ZFC3H1: variants seen among roughly 807,000 people sequenced by gnomAD.
ZFC3H1 encodes the protein zinc finger C3H1-type containing.
In ZFC3H1, 71 loss-of-function variants were observed where a neutral mutation model predicts 243.7. That is an observed-to-expected ratio of 0.29 (90% CI 0.24 to 0.36). The LOEUF (loss-of-function observed/expected upper bound fraction) is 0.36. ZFC3H1 is among the 10% of genes least tolerant of loss of function. ZFC3H1 has a pLI of 1.00. For synonymous variants in ZFC3H1, 838 were observed against 813.0 expected (o/e 1.03, Z -0.52); for missense variants, 1,966 against 2,317.1 (o/e 0.85, Z 3.11).
At chr12:71,634,351 T>TA in intron 11 of ZFC3H1, 47 bp from the exon 12 acceptor site, 3 of 1,568,478 alleles carry the variant, frequency 1.9e-6, no homozygotes, top group Non-Finnish European at 2.6e-6. Context: ...AGAATAAACT[T>TA]AAACTATTTT....
At chr12:71,653,182 G>T (rs190538571) in intron 2 of ZFC3H1, among the ~76,000 whole-genome samples, 8 of 152,120 alleles carry the variant, frequency 5.3e-5, no homozygotes, top group Non-Finnish European at 1.0e-4. Context: ...GAAGAAAAGT[G>T]GAAAGAATGA....
In ZFC3H1 at chr12:71,644,137, T is replaced by A; in HGVS notation, c.1461A>T (p.Arg487=). 1 of 1,613,880 alleles carries A rather than the reference T, an allele frequency of 6.2e-7. No homozygotes were observed. Among genetic ancestry groups the A allele is most frequent in the Non-Finnish European group, 8.5e-7 (1 of 1,179,940 alleles). Residue 487 remains arginine, a synonymous_variant, in exon 5 of 35, where the codon CGA becomes CGT. Coordinates refer to ENST00000378743, the MANE Select transcript of ZFC3H1 (RefSeq NM_144982.5). The part of the protein sequence containing the change: ...DLSNQEEQYN[R]FMKLVGGKRR... ...TCTTGCCACCAACCAATTTCATGAA[T>A]CGATTGTACTGTTCTTCCTGATTTG... is the stretch of plus-strand genomic sequence containing the variant.
chr12:71,644,361 TAAAAG>T (rs1880675669), intron 4 of ZFC3H1, 43 bp from the exon 5 acceptor site: 1 of 1,566,310 alleles, frequency 6.4e-7, no homozygotes, highest in Non-Finnish European at 8.6e-7. Flanking sequence ...TGTTAGGAGA[TAAAAG>T]AAAAATAAGA....
At chr12:71,633,801 A>G (rs1243475636) in intron 12 of ZFC3H1, among the ~76,000 whole-genome samples, 2 of 152,140 alleles carry the variant, frequency 1.3e-5, no homozygotes, top group South Asian at 2.1e-4. Flanking sequence ...ATTACAAGGC[A>G]TGCACCACCA....
At chr12:71,628,861 T>C (rs543800745) in intron 20 of ZFC3H1, 57 bp downstream of exon 20, 8 of 1,508,798 alleles carry the variant, frequency 5.3e-6, no homozygotes, top group Non-Finnish European at 6.2e-6. Context: ...AAGTGTTAAA[T>C]AAAGATGGAA....
Position 71,633,260 on chromosome 12 carries a change from T to G in ZFC3H1, c.2685+4A>C. On this transcript the variant is annotated splice_donor_region_variant and intron_variant, in intron 13 of 34. Transcript: ENST00000378743. ...AGGAGACTACAGTATTTTAAAATAA[T>G]TACTTGTTCCTGAAGCTTCTTCAAA... 3 of 1,568,896 alleles carry G rather than the reference T, an allele frequency of 1.9e-6. No homozygotes were observed. Among genetic ancestry groups the G allele is most frequent in the Non-Finnish European group, 2.6e-6 (3 of 1,163,926 alleles).
intron 2 of ZFC3H1, among the ~76,000 whole-genome samples, chr12:71,652,963 A>C (rs1470912824): frequency 9.9e-5 from 15 of 151,178 alleles, no homozygotes; most frequent in Non-Finnish European, 1.9e-4. Flanking sequence ...AAAAAAAACA[A>C]CGACCATCTC....
intron 2 of ZFC3H1, among the ~76,000 whole-genome samples, chr12:71,649,987 G>C (rs1880839144): frequency 6.6e-6 from 1 of 152,198 alleles, no homozygotes; most frequent in Non-Finnish European, 1.5e-5. Flanking sequence ...AGGAGATCGA[G>C]ACCATCCTGG....
chr12:71,632,334 C>A lies in ZFC3H1; in HGVS notation c.2998G>T (p.Val1000Phe). Residue 1000 changes from valine to phenylalanine, a missense_variant, in exon 15 of 35, where the codon GTT becomes TTT. Val to Phe is a conservative substitution (Grantham distance 50). Around this residue, in one of 4 missense-constraint regions of ZFC3H1, gnomAD observed 1,383 missense variants for 1,723.7 expected, o/e 0.80. Transcript: ENST00000378743. Reference sequence around the variant, plus strand: ...GAAAATTCGGGTTCCTCTTCCACAACTGGAGAGATATTTTGTTGTTCCTTT... The same window carrying A: ...GAAAATTCGGGTTCCTCTTCCACAAATGGAGAGATATTTTGTTGTTCCTTT... Reference protein sequence around the residue: ...KAKEQQNISPVVEEEPEFSLP... With the variant: ...KAKEQQNISPFVEEEPEFSLP... The A allele has an allele frequency of 2.5e-6, 4 of 1,613,820 alleles. No individual in the cohort carries two copies. Among genetic ancestry groups the A allele is most frequent in the Non-Finnish European group, 2.5e-6 (3 of 1,179,862 alleles).
chr12:71,620,537 T>A (rs568166561), intron 24 of ZFC3H1, among the ~76,000 whole-genome samples: 1 of 152,282 alleles, frequency 6.6e-6, no homozygotes, highest in East Asian at 1.9e-4. Context: ...TCAACTTTCC[T>A]GGTAAGAATA....
At chr12:71,628,801 A>T (rs976040996) in intron 20 of ZFC3H1, 117 bp downstream of exon 20, 23 of 1,167,920 alleles carry the variant, frequency 2.0e-5, no homozygotes, top group South Asian at 5.9e-5. Flanking sequence ...CATCGTTTTT[A>T]AAAAAAATTT....
intron 32 of ZFC3H1, 181 bp from the exon 33 acceptor site, chr12:71,611,278 C>G: frequency 5.0e-6 from 2 of 402,906 alleles, no homozygotes; most frequent in Non-Finnish European, 7.7e-6. Flanking sequence ...AAGAAAAATT[C>G]AACAATTTTT....
intron 4 of ZFC3H1, among the ~76,000 whole-genome samples, chr12:71,644,635 C>T (rs925227339): frequency 6.6e-6 from 1 of 151,952 alleles, no homozygotes; most frequent in African/African-American, 2.4e-5. Context: ...AGCCCAACAC[C>T]GCCAAACCCC....
chr12:71,627,621 G>T, intron 21 of ZFC3H1, 130 bp downstream of exon 21: 1 of 822,548 alleles, frequency 1.2e-6, no homozygotes, highest in Non-Finnish European at 1.9e-6. Flanking sequence ...AAATGCTTTT[G>T]GCTTTGTCAA....
At chr12:71,612,358 C>T (rs1249379190) in intron 31 of ZFC3H1, among the ~76,000 whole-genome samples, 1 of 152,008 alleles carries the variant, frequency 6.6e-6, no homozygotes, top group Non-Finnish European at 1.5e-5. Context: ...TATCAAAACA[C>T]AGATGTAGGG....
chr12:71,629,609 T>C lies in ZFC3H1; in HGVS notation c.3826A>G (p.Thr1276Ala). 6.5e-7 allele frequency: 1 copy of C among 1,545,620 alleles called. No homozygotes were observed. The highest frequency in any genetic ancestry group is 1.1e-5 in the South Asian group (1 of 89,590). Residue 1276 changes from threonine (T) to alanine (A), a missense_variant and splice_region_variant, in exon 19 of 35, where the codon ACT becomes GCT. Around this residue, in one of 4 missense-constraint regions of ZFC3H1, gnomAD observed 1,383 missense variants for 1,723.7 expected, o/e 0.80. Transcript: ENST00000378743. ...VSNINESKGH[T>A]PPFTTYKDKR... ...CACACACACTTATATATGTACTTAC[T>C]ATGACCTTTACTTTCATTGATATTG...
In ZFC3H1 at chr12:71,634,810, T is replaced by C. The variant is rs760513039; in HGVS notation, c.2254A>G (p.Lys752Glu). 5.7e-6 allele frequency: 9 copies of C among 1,588,316 alleles called. No homozygotes were observed. Among genetic ancestry groups the C allele is most frequent in the Admixed American group, 3.7e-5 (2 of 53,770 alleles). ...TCTTTTTCAGATTTTGGAGGTACTTTCGGTTTTGAAGCTTGCTAAAAAAAA... is the reference window on the plus strand; with the variant it reads ...TCTTTTTCAGATTTTGGAGGTACTTCCGGTTTTGAAGCTTGCTAAAAAAAA... ...RRTAEQASKP[K>E]VPPKSEKEND... The change falls in exon 11 of 35, where the codon AAA becomes GAA. Residue 752 changes from lysine to glutamate, a missense_variant. Lys to Glu is a moderately conservative substitution (Grantham distance 56). Around this residue, in one of 4 missense-constraint regions of ZFC3H1, gnomAD observed 1,383 missense variants for 1,723.7 expected, o/e 0.80. Transcript: ENST00000378743.
At chr12:71,634,466 G>A (rs1184686312) in intron 11 of ZFC3H1, among the ~76,000 whole-genome samples, 162 bp from the exon 12 acceptor site, 1 of 152,166 alleles carries the variant, frequency 6.6e-6, no homozygotes, top group Non-Finnish European at 1.5e-5. Context: ...AGTTGATAGT[G>A]GAGTCCTTCT....
rs140041629 is a variant in ZFC3H1, at chr12:71,641,206, C to T, written c.1627+1230G>A. On this transcript the variant is annotated intron_variant, in intron 6 of 34. Transcript: ENST00000378743. ...ATACTTGGGAATTATAATGAATCATCTCCAAGAATCTGAAAATAAGAAAAT... is the reference window on the plus strand; with the variant it reads ...ATACTTGGGAATTATAATGAATCATTTCCAAGAATCTGAAAATAAGAAAAT... Among the ~76,000 whole-genome samples, 1,099 of 152,186 alleles carry T rather than the reference C, an allele frequency of 7.2e-3. 11 individuals carry two copies. Among genetic ancestry groups the T allele is most frequent in the African/African-American group, 0.02 (827 of 41,510 alleles).
Sources: gnomAD v4.1 joint callset for allele counts (sites outside exome capture counted in the v4.1 genomes callset) on GRCh38, gnomAD v4.1.1 for gene constraint, gnomAD v4.1.1 regional missense constraint, MANE v1.5 for transcripts, NCBI Gene and HGNC (gene_info 2026-07-23, HGNC 2026-07-21) for gene names.